Variants in GPR63 observed in about 807,000 individuals in gnomAD.
The protein encoded by GPR63 is probable G protein-coupled receptor 63.
A neutral mutation model predicts 23.1 loss-of-function variants in GPR63; 12 were observed. The observed-to-expected ratio is 0.52, with a 90% CI of 0.33 to 0.84. GPR63 has a LOEUF of 0.84. GPR63 is among the 40% of genes least tolerant of loss of function. GPR63 has a pLI of 0.02. For missense variants in GPR63, 472 were observed against 515.6 expected, an observed-to-expected ratio of 0.92 and a Z score of 0.82; for synonymous variants, 172 against 191.1, an observed-to-expected ratio of 0.90 and a Z score of 0.82.
intron 1 of GPR63, among the ~76,000 whole-genome samples, chr6:96,800,515 GT>G (rs1773735286): frequency 6.6e-6 from 1 of 151,628 alleles, no homozygotes; most frequent in South Asian, 2.1e-4. Context: ...TTCATTTTTA[GT>G]TTTTGAATTA....
chr6:96,831,931 T>A (rs892723920), intron 1 of GPR63, among the ~76,000 whole-genome samples: 3 of 151,346 alleles, frequency 2.0e-5, no homozygotes, highest in African/African-American at 7.3e-5. Context: ...AATAAATAAA[T>A]AAAAATTTTT....
chr6:96,809,828 T>C (rs1049287923), intron 1 of GPR63, among the ~76,000 whole-genome samples: 1 of 152,192 alleles, frequency 6.6e-6, no homozygotes, highest in Non-Finnish European at 1.5e-5. Flanking sequence ...CTTTCCTGAC[T>C]CTCAAATGTC....
chr6:96,810,450 A>T (rs1774011177), intron 1 of GPR63, among the ~76,000 whole-genome samples: 1 of 151,630 alleles, frequency 6.6e-6, no homozygotes, highest in East Asian at 1.9e-4. Context: ...AGCTGAGATC[A>T]TGCCACTGCA....
At chr6:96,812,232 T>G (rs1411556295) in intron 1 of GPR63, among the ~76,000 whole-genome samples, 1 of 152,174 alleles carries the variant, frequency 6.6e-6, no homozygotes, top group East Asian at 1.9e-4. Flanking sequence ...ACATTTTAAG[T>G]ATGAACCACA....
At chr6:96,829,370 C>A (rs1774522796) in intron 1 of GPR63, among the ~76,000 whole-genome samples, 1 of 152,126 alleles carries the variant, frequency 6.6e-6, no homozygotes, top group African/African-American at 2.4e-5. Flanking sequence ...AAACATGATT[C>A]TCATTAACTC....
At chr6:96,816,418 C>T (rs909669503) in intron 1 of GPR63, among the ~76,000 whole-genome samples, 8 of 152,148 alleles carry the variant, frequency 5.3e-5, no homozygotes, top group Non-Finnish European at 8.8e-5. Flanking sequence ...CTAGAGACTT[C>T]CGCTTCTAGC....
intron 1 of GPR63, among the ~76,000 whole-genome samples, chr6:96,826,490 A>G (rs1001340638): frequency 2.6e-5 from 4 of 152,156 alleles, no homozygotes; most frequent in Non-Finnish European, 5.9e-5. Context: ...TTTTGCTATC[A>G]TATTGTAATA....
At chr6:96,834,734 C>T (rs903331020) in intron 1 of GPR63, among the ~76,000 whole-genome samples, 4 of 152,166 alleles carry the variant, frequency 2.6e-5, no homozygotes, top group African/African-American at 9.7e-5. Flanking sequence ...ATAGCAGCTT[C>T]AGCTGTGAAA....
intron 1 of GPR63, among the ~76,000 whole-genome samples, chr6:96,816,185 CA>C (rs902667909): frequency 5.9e-5 from 9 of 151,894 alleles, no homozygotes; most frequent in African/African-American, 2.2e-4. Flanking sequence ...ATAGAAGACG[CA>C]AAAAAACCAT....
At position 96,799,016 on chromosome 6, in the gene GPR63, T is replaced by C. The variant is rs774836016; in HGVS notation, c.716A>G (p.Tyr239Cys). The C allele has an allele frequency of 3.7e-6, 6 of 1,614,156 alleles. No homozygotes were observed. Among genetic ancestry groups the C allele is most frequent in the East Asian group, 2.2e-5 (1 of 44,878 alleles). ...AGAAATCAAAATCACATAAGCCTGG[T>C]AGCCTGGATTGGTTGTGTACCCAAA... Reference protein sequence around the residue: ...CVFGYTTNPGYQAYVILISLI... With the variant: ...CVFGYTTNPGCQAYVILISLI... The change falls in exon 2 of 2, where the codon TAC (tyrosine) becomes TGC (cysteine). Residue 239 changes from tyrosine to cysteine, a missense_variant. Physicochemically the swap from Tyr to Cys is radical, Grantham distance 194. Coordinates refer to ENST00000229955, the MANE Select transcript of GPR63 (RefSeq NM_030784.4).
chr6:96,828,970 C>G (rs1045877043), intron 1 of GPR63, among the ~76,000 whole-genome samples: 1 of 152,022 alleles, frequency 6.6e-6, no homozygotes, highest in African/African-American at 2.4e-5. Context: ...ATTTAAAAAT[C>G]TAAACTTGTA....
intron 1 of GPR63, among the ~76,000 whole-genome samples, chr6:96,815,907 T>C (rs764344861): frequency 9.9e-5 from 15 of 152,172 alleles, no homozygotes; most frequent in Non-Finnish European, 1.8e-4. Flanking sequence ...TCTCTCTACA[T>C]TATTTTTGAA....
intron 1 of GPR63, among the ~76,000 whole-genome samples, chr6:96,832,776 CT>C (rs1774621239): frequency 6.7e-6 from 1 of 148,620 alleles, no homozygotes. Context: ...ACTTATACCC[CT>C]GAACTTAAAT....
At chr6:96,805,577 C>T (rs1773876087) in intron 1 of GPR63, among the ~76,000 whole-genome samples, 1 of 152,164 alleles carries the variant, frequency 6.6e-6, no homozygotes, top group Non-Finnish European at 1.5e-5. Context: ...CTCATTACAA[C>T]TCCCACTCAT....
chr6:96,830,878 A>G (rs1303757649), intron 1 of GPR63, among the ~76,000 whole-genome samples: 1 of 152,174 alleles, frequency 6.6e-6, no homozygotes, highest in Non-Finnish European at 1.5e-5. Flanking sequence ...TAGTAGCCAG[A>G]GTGATACTCA....
At position 96,795,024 on chromosome 6, in the gene GPR63, T is replaced by C. The variant is rs1027868824; in HGVS notation, c.*3448A>G. On this transcript the variant is annotated 3_prime_UTR_variant, in exon 2 of 2. Transcript: ENST00000229955. ...ATGATATTTAAATAGATATATTTTC[T>C]ACAGGAATGTTTCCTGAAGAGTTTC... The C allele has an allele frequency of 9.9e-5, 15 of 152,190 alleles. No individual in the cohort carries two copies. The highest frequency in any genetic ancestry group is 3.6e-4 in the African/African-American group (15 of 41,448). 9.4% of individuals were successfully genotyped at this position (152,190 alleles called of 1,614,324 possible). A position where few individuals can be genotyped will look rare whatever the true frequency, so the allele number is the denominator to read the frequency against.
intron 1 of GPR63, among the ~76,000 whole-genome samples, chr6:96,820,193 A>T (rs1287945322): frequency 6.6e-6 from 1 of 151,994 alleles, no homozygotes; most frequent in Non-Finnish European, 1.5e-5. Context: ...CTTAAAAAAA[A>T]CTCTGTTCCT....
chr6:96,824,593 C>CAA (rs1183157086), intron 1 of GPR63, among the ~76,000 whole-genome samples: 77 of 44,640 alleles, frequency 1.7e-3, no homozygotes, highest in African/African-American at 5.9e-3. Context: ...TACGCCTTAG[C>CAA]AAAAAAAAAA....
rs538355204 is a variant in GPR63 at position 96,798,333 on chromosome 6, T to C, written c.*139A>G. The C allele has an allele frequency of 3.9e-6, 3 of 775,428 alleles. No individual in the cohort carries two copies. In the Admixed American group the frequency reaches 8.9e-5, roughly 23 times the overall value. 48.0% of individuals were successfully genotyped at this position (775,428 alleles called of 1,614,324 possible). On this transcript the variant is annotated 3_prime_UTR_variant, in exon 2 of 2. Transcript: ENST00000229955. ...TTATTCTTGGTAACAGAACTATAAT[T>C]ACCATTCTTTCTTTACACTGCTCAC... is the stretch of plus-strand genomic sequence containing the variant.
Sources: gnomAD v4.1 joint callset for allele counts (sites outside exome capture counted in the v4.1 genomes callset) on GRCh38, gnomAD v4.1.1 for gene constraint, MANE v1.5 for transcripts, NCBI Gene and HGNC (gene_info 2026-07-23, HGNC 2026-07-21) for gene names.